MAPKAP1: variants seen among roughly 807,000 people sequenced by gnomAD.
MAPKAP1 encodes the protein MAPK associated protein 1.
In MAPKAP1, 20 loss-of-function variants were observed where a neutral mutation model predicts 65.7. The ratio of observed to expected loss-of-function variants is 0.30; its 90% CI spans 0.21 to 0.44. The LOEUF (loss-of-function observed/expected upper bound fraction) is 0.44, where lower values mean the gene tolerates loss of function less well. MAPKAP1 is among the 20% of genes least tolerant of loss of function. The pLI is 1.00. For missense variants in MAPKAP1, 423 were observed against 648.0 expected (o/e 0.65, Z 3.77); for synonymous variants, 222 against 244.3 (o/e 0.91, Z 0.85).
At chr9:125,585,489 T>A (rs1831753402) in intron 5 of MAPKAP1, 66 bp downstream of exon 5, 1 of 1,561,450 alleles carries the variant, frequency 6.4e-7, no homozygotes, top group Non-Finnish European at 8.7e-7. Context: ...CTAACCAGCC[T>A]AGAAGACACC....
chr9:125,663,411 C>G (rs1834246532), intron 3 of MAPKAP1, among the ~76,000 whole-genome samples: 1 of 152,144 alleles, frequency 6.6e-6, no homozygotes, highest in Non-Finnish European at 1.5e-5. Flanking sequence ...CCTAATGAGC[C>G]CTTCCTTGGC....
intron 10 of MAPKAP1, among the ~76,000 whole-genome samples, chr9:125,463,514 C>T (rs1314112166): frequency 6.6e-6 from 1 of 152,230 alleles, no homozygotes; most frequent in Non-Finnish European, 1.5e-5. Flanking sequence ...ATAAGCCCAG[C>T]TCATTTAACT....
At chr9:125,665,899 C>T (rs1295987184) in intron 3 of MAPKAP1, among the ~76,000 whole-genome samples, 1 of 152,170 alleles carries the variant, frequency 6.6e-6, no homozygotes. Flanking sequence ...TATTTAACTT[C>T]ATGCATAAGA....
chr9:125,444,361 C>T (rs540389616), intron 11 of MAPKAP1, 140 bp downstream of exon 11: 70 of 641,668 alleles, frequency 1.1e-4, no homozygotes, highest in Admixed American at 9.0e-4. Flanking sequence ...TGGCAAGCTG[C>T]GACACTCCTC....
At chr9:125,683,988 T>C (rs1041514467) in intron 1 of MAPKAP1, among the ~76,000 whole-genome samples, 6 of 152,196 alleles carry the variant, frequency 3.9e-5, no homozygotes, top group African/African-American at 1.2e-4. Flanking sequence ...AATCTTATTC[T>C]TGTAAGTCCA....
chr9:125,521,530 G>T, intron 7 of MAPKAP1: 2 of 1,346,102 alleles, frequency 1.5e-6, no homozygotes, highest in East Asian at 3.0e-5. Context: ...GAAACCAGTG[G>T]GGTAATGCAT....
chr9:125,543,352 C>T (rs1414326132), intron 6 of MAPKAP1, among the ~76,000 whole-genome samples, 184 bp from the exon 7 acceptor site: 41 of 151,990 alleles, frequency 2.7e-4, no homozygotes, highest in African/African-American at 9.7e-4. Flanking sequence ...CTGCAAGATC[C>T]GCCTCCTGGG....
chr9:125,700,914 T>G (rs1835576049), intron 1 of MAPKAP1, among the ~76,000 whole-genome samples: 1 of 152,204 alleles, frequency 6.6e-6, no homozygotes, highest in Admixed American at 6.5e-5. Flanking sequence ...CTTTCAATCT[T>G]GAGTACATAT....
chr9:125,652,208 G>C lies in MAPKAP1; in HGVS notation c.498+5443C>G, dbSNP rs200229962. Reference sequence around the variant, plus strand: ...TTGAAGAGAGCTATTTAATGCCAATGATTGTAGAAAACATTTGTTCATAAT... The same window carrying C: ...TTGAAGAGAGCTATTTAATGCCAATCATTGTAGAAAACATTTGTTCATAAT... On this transcript the variant is annotated intron_variant, in intron 4 of 11. Coordinates refer to ENST00000265960, the MANE Select transcript of MAPKAP1 (RefSeq NM_001006617.3). 6.8e-6 allele frequency: 9 copies of C among 1,315,118 alleles called. No individual in the cohort carries two copies. In the African/African-American group the frequency reaches 1.3e-4, roughly 20 times the overall value. The allele number at this position is 1,315,118 out of a possible 1,614,324, so 81.5% of individuals were successfully genotyped here.
At chr9:125,602,539 A>C (rs1388688961) in intron 4 of MAPKAP1, among the ~76,000 whole-genome samples, 2 of 152,184 alleles carry the variant, frequency 1.3e-5, no homozygotes, top group Non-Finnish European at 2.9e-5. Flanking sequence ...TTAGGTAGTC[A>C]GCAAAGCAAC....
chr9:125,537,118 G>A (rs1472319643), intron 7 of MAPKAP1, among the ~76,000 whole-genome samples: 2 of 152,182 alleles, frequency 1.3e-5, no homozygotes. Context: ...AATAAAAAGA[G>A]TATGGGCTTT....
intron 9 of MAPKAP1, among the ~76,000 whole-genome samples, chr9:125,470,842 C>T (rs1167988499): frequency 1.3e-5 from 2 of 151,934 alleles, no homozygotes; most frequent in Non-Finnish European, 2.9e-5. Context: ...TTTTCTGAAT[C>T]GAATCACATT....
chr9:125,616,143 A>G (rs1448693229), intron 4 of MAPKAP1, among the ~76,000 whole-genome samples: 1 of 152,184 alleles, frequency 6.6e-6, no homozygotes, highest in Non-Finnish European at 1.5e-5. Context: ...GGTGGGACTC[A>G]ATAAATAATG....
Position 125,657,644 on chromosome 9 carries a change from T to C in MAPKAP1, c.498+7A>G, listed in dbSNP as rs1698768323. ...ACTTAAAGGGACAAAGTCTCATTTT[T>C]ACTTACCTTGCCATCAAATTTGGAA... On this transcript the variant is annotated splice_region_variant and intron_variant, in intron 4 of 11. Coordinates refer to ENST00000265960, the MANE Select transcript of MAPKAP1 (RefSeq NM_001006617.3). The C allele has an allele frequency of 6.3e-7, 1 of 1,599,782 alleles. No individual in the cohort carries two copies. Among genetic ancestry groups the C allele is most frequent in the African/African-American group, 1.4e-5 (1 of 74,062 alleles).
At chr9:125,515,119 A>G (rs1589250522) in intron 7 of MAPKAP1, among the ~76,000 whole-genome samples, 1 of 152,142 alleles carries the variant, frequency 6.6e-6, no homozygotes, top group African/African-American at 2.4e-5. Flanking sequence ...ACAAGCTGAC[A>G]TGACAATAAG....
intron 1 of MAPKAP1, among the ~76,000 whole-genome samples, chr9:125,700,334 A>AT (rs1028523909): frequency 9.9e-5 from 15 of 152,016 alleles, no homozygotes; most frequent in South Asian, 2.1e-4. Context: ...GGAAAATGTT[A>AT]TTTTTTTTGA....
chr9:125,578,614 A>G (rs1453315370), intron 5 of MAPKAP1, among the ~76,000 whole-genome samples: 1 of 152,234 alleles, frequency 6.6e-6, no homozygotes, highest in Non-Finnish European at 1.5e-5. Context: ...ATTGCTGATG[A>G]AGCAAAGAAA....
rs1394936465 is a variant in MAPKAP1 at position 125,512,621 on chromosome 9, GC to G, written c.959-6205del. On this transcript the variant is annotated intron_variant, in intron 7 of 11. Coordinates refer to ENST00000265960, the MANE Select transcript of MAPKAP1 (RefSeq NM_001006617.3). Reference sequence around the variant, plus strand: ...TTTTGAGATGGAGTCTTGCTCTGTCGCCCAGGTTGGAGTGCAGTGGCGCAAT... The same window carrying G: ...TTTTGAGATGGAGTCTTGCTCTGTCGCCAGGTTGGAGTGCAGTGGCGCAAT... Among the ~76,000 whole-genome samples, 100 of 151,610 alleles carry G rather than the reference GC, an allele frequency of 6.6e-4. 1 individual carries two copies. Among genetic ancestry groups the G allele is most frequent in the East Asian group, 3.3e-3 (17 of 5,152 alleles).
At chr9:125,671,422 G>A (rs1233424536) in intron 2 of MAPKAP1, among the ~76,000 whole-genome samples, 1 of 152,096 alleles carries the variant, frequency 6.6e-6, no homozygotes, top group Non-Finnish European at 1.5e-5. Flanking sequence ...AAATAAATAT[G>A]TAAGTATTTT....
Sources: gnomAD v4.1 joint callset for allele counts (sites outside exome capture counted in the v4.1 genomes callset) on GRCh38, gnomAD v4.1.1 for gene constraint, MANE v1.5 for transcripts, NCBI Gene and HGNC (gene_info 2026-07-23, HGNC 2026-07-21) for gene names.